PITPNM3: variants seen among roughly 807,000 people sequenced by gnomAD.
The protein encoded by PITPNM3 is PITPNM family member 3.
In PITPNM3, 26 loss-of-function variants were observed where a neutral mutation model predicts 102.0. The ratio of observed to expected loss-of-function variants is 0.25; its 90% CI spans 0.19 to 0.35. PITPNM3 has a LOEUF of 0.35. PITPNM3 is among the 10% of genes least tolerant of loss of function. The pLI is 1.00. For missense variants in PITPNM3, 1,083 were observed against 1,346.1 expected (o/e 0.80, Z 3.06); for synonymous variants, 578 against 558.6 (o/e 1.03, Z -0.49).
intron 17 of PITPNM3, among the ~76,000 whole-genome samples, chr17:6,462,773 G>C (rs1022900909): frequency 2.6e-5 from 4 of 152,192 alleles, no homozygotes; most frequent in Admixed American, 2.6e-4. Flanking sequence ...CACAAACTCA[G>C]GGGTGCAGGG....
intron 2 of PITPNM3, among the ~76,000 whole-genome samples, chr17:6,530,784 A>C (rs557851800): frequency 6.6e-6 from 1 of 152,254 alleles, no homozygotes; most frequent in African/African-American, 2.4e-5. Flanking sequence ...ATATTCATGG[A>C]GGGAGGGCTA....
chr17:6,457,538 A>G lies in PITPNM3; in HGVS notation c.2619+56T>C. The G allele has an allele frequency of 6.2e-7, 1 of 1,609,362 alleles. No individual in the cohort carries two copies. Among genetic ancestry groups the G allele is most frequent in the South Asian group, 1.1e-5 (1 of 90,352 alleles). On this transcript the variant is annotated intron_variant, in intron 19 of 19. Transcript: ENST00000262483. This position sits in a 1 kb window ranked among gnomAD's most constrained non-coding sequence, Gnocchi z 4.7. ...AATGAATGAAGTGCTTACTCCCTCT[A>G]TCCCTTTCCCTGACCTCCCTCACAA...
chr17:6,497,899 G>A (rs529136874), intron 4 of PITPNM3, among the ~76,000 whole-genome samples: 2 of 152,322 alleles, frequency 1.3e-5, no homozygotes, highest in South Asian at 4.1e-4. Flanking sequence ...TTCCCAGCCT[G>A]TGCACTGCGG....
At chr17:6,550,212 A>C (rs1402111425) in intron 1 of PITPNM3, among the ~76,000 whole-genome samples, 1 of 152,242 alleles carries the variant, frequency 6.6e-6, no homozygotes, top group African/African-American at 2.4e-5. Context: ...TGACTCCAAC[A>C]GTAGAAGAGA....
intron 1 of PITPNM3, among the ~76,000 whole-genome samples, chr17:6,552,964 G>A (rs1910399532): frequency 6.6e-6 from 1 of 151,614 alleles, no homozygotes; most frequent in East Asian, 1.9e-4. Context: ...TAGAGACGGG[G>A]TTTCACCGTG....
chr17:6,497,033 C>T (rs988171642), intron 4 of PITPNM3, among the ~76,000 whole-genome samples: 12 of 152,120 alleles, frequency 7.9e-5, no homozygotes, highest in African/African-American at 2.9e-4. Flanking sequence ...GACACACACA[C>T]ACATGCAAGA....
chr17:6,493,314 T>C (rs1044790497), intron 4 of PITPNM3, among the ~76,000 whole-genome samples: 3 of 152,110 alleles, frequency 2.0e-5, no homozygotes, highest in Admixed American at 2.0e-4. Flanking sequence ...AGGAAAGCTA[T>C]AGAAAGGGGC....
chr17:6,547,514 G>A (rs369841593), intron 1 of PITPNM3, among the ~76,000 whole-genome samples: 6 of 152,010 alleles, frequency 3.9e-5, no homozygotes, highest in South Asian at 4.2e-4. Flanking sequence ...CGAGTTCCCC[G>A]TAGCACCTGC....
Position 6,470,667 on chromosome 17 carries a change from C to T in PITPNM3, c.1625-259G>A, listed in dbSNP as rs1196493619. 1.3e-5 allele frequency among the ~76,000 whole-genome samples: 2 copies of T among 152,238 alleles called. No individual in the cohort carries two copies. Among genetic ancestry groups the T allele is most frequent in the African/African-American group, 4.8e-5 (2 of 41,456 alleles). Reference sequence around the variant, plus strand: ...AGGGCCAGACCCACAGAGACGTCCACAGTCTCACCCAGGGCCGCCGCTCAG... The same window carrying T: ...AGGGCCAGACCCACAGAGACGTCCATAGTCTCACCCAGGGCCGCCGCTCAG... On this transcript the variant is annotated intron_variant, in intron 12 of 19. Coordinates refer to ENST00000262483, the MANE Select transcript of PITPNM3 (RefSeq NM_031220.4). This position sits in a 1 kb window ranked among gnomAD's most constrained non-coding sequence, Gnocchi z 4.8.
rs1326451722 is a variant in PITPNM3, at chr17:6,457,381, A to C, written c.2619+213T>G. ...TGTGTCCATCTCGCCACTACACTGAAGTTCATTGCATCTGGCTCCACTTGG... is the reference window on the plus strand; with the variant it reads ...TGTGTCCATCTCGCCACTACACTGACGTTCATTGCATCTGGCTCCACTTGG... On this transcript the variant is annotated intron_variant, in intron 19 of 19. Coordinates refer to ENST00000262483, the MANE Select transcript of PITPNM3 (RefSeq NM_031220.4). This position sits in a 1 kb window ranked among gnomAD's most constrained non-coding sequence, Gnocchi z 4.7. Among the ~76,000 whole-genome samples the C allele has an allele frequency of 6.6e-6, 1 of 152,198 alleles. No homozygotes were observed. The highest frequency in any genetic ancestry group is 1.5e-5 in the Non-Finnish European group (1 of 68,042).
chr17:6,483,561 G>A lies in PITPNM3; in HGVS notation c.543C>T (p.Val181=), dbSNP rs760281124. 7 of 1,614,046 alleles carry A rather than the reference G, an allele frequency of 4.3e-6. No homozygotes were observed. The South Asian group carries it at 5.5e-5, about 13-fold the overall frequency. ...AALGHILIKF[V]PCPAICSEAF... is the part of the protein sequence containing the mutation. Reference sequence around the variant, plus strand: ...CCTCAGAGCAGATGGCAGGACAGGGGACGAACTTGATGAGGATGTGGCCCA... The same window carrying A: ...CCTCAGAGCAGATGGCAGGACAGGGAACGAACTTGATGAGGATGTGGCCCA... Residue 181 remains valine (V), a synonymous_variant, in exon 6 of 20, where the codon GTC becomes GTT. Transcript: ENST00000262483.
At chr17:6,465,338 G>A (rs1287639395) in intron 14 of PITPNM3, among the ~76,000 whole-genome samples, 5 of 152,198 alleles carry the variant, frequency 3.3e-5, no homozygotes, top group Non-Finnish European at 7.3e-5. Context: ...GAGCCACCGT[G>A]CCTGGCCCGT....
chr17:6,456,082 A>G (rs1914104467), intron 19 of PITPNM3, among the ~76,000 whole-genome samples: 1 of 152,026 alleles, frequency 6.6e-6, no homozygotes, highest in African/African-American at 2.4e-5. Context: ...GGAGTGCAGT[A>G]GCCCAGTCTC....
intron 4 of PITPNM3, among the ~76,000 whole-genome samples, chr17:6,494,872 T>C (rs1483605715): frequency 6.6e-6 from 1 of 152,194 alleles, no homozygotes; most frequent in African/African-American, 2.4e-5. Flanking sequence ...AGGAAGCACC[T>C]ATATGTCCAC....
intron 6 of PITPNM3, chr17:6,481,726 A>G (rs900716063): frequency 1.3e-4 from 18 of 140,172 alleles, no homozygotes; most frequent in African/African-American, 4.8e-4. Context: ...ATTATGAGGT[A>G]GATAGATCAG....
At chr17:6,463,950 C>T in intron 16 of PITPNM3, 69 bp from the exon 17 acceptor site, 2 of 1,594,470 alleles carry the variant, frequency 1.3e-6, no homozygotes, top group Non-Finnish European at 1.7e-6. Flanking sequence ...CAGAGGTCAG[C>T]CTGTAGCTGC....
At chr17:6,462,676 C>G (rs538715429) in intron 17 of PITPNM3, among the ~76,000 whole-genome samples, 2 of 152,164 alleles carry the variant, frequency 1.3e-5, no homozygotes, top group Non-Finnish European at 2.9e-5. Flanking sequence ...GGTTGGGCAC[C>G]TTTATGGCAC....
At chr17:6,524,790 T>C (rs557032900) in intron 3 of PITPNM3, among the ~76,000 whole-genome samples, 1 of 152,286 alleles carries the variant, frequency 6.6e-6, no homozygotes, top group South Asian at 2.1e-4. Context: ...TGATGAACAA[T>C]AGCCAAACAG....
At chr17:6,541,599 T>C (rs1909735957) in intron 1 of PITPNM3, among the ~76,000 whole-genome samples, 1 of 152,072 alleles carries the variant, frequency 6.6e-6, no homozygotes, top group Non-Finnish European at 1.5e-5. Context: ...CCTGCAAACT[T>C]CAAGAGGAGG....
Sources: allele counts gnomAD v4.1 joint callset (sites outside exome capture counted in the v4.1 genomes callset), GRCh38; gene constraint gnomAD v4.1.1; non-coding constraint Gnocchi (gnomAD v3.1); transcripts MANE v1.5; gene names NCBI Gene and HGNC (gene_info 2026-07-23, HGNC 2026-07-21).